Variants in PCNX2 observed in about 807,000 individuals in gnomAD.
PCNX2 encodes the protein pecanex 2.
Under a neutral mutation model 223.8 loss-of-function variants are expected in PCNX2, and 168 were observed. The ratio of observed to expected loss-of-function variants is 0.75; its 90% CI spans 0.66 to 0.85. The LOEUF (loss-of-function observed/expected upper bound fraction) is 0.85. Ranked by LOEUF, PCNX2 falls within the 40% of genes least tolerant of loss-of-function variation. PCNX2 has a pLI of 0.00. For synonymous variants in PCNX2, 1,006 were observed against 1,052.6 expected (o/e 0.96, Z 0.86); for missense variants, 2,507 against 2,675.5 (o/e 0.94, Z 1.39).
At chr1:233,283,857 G>C (rs1572202439) in intron 1 of PCNX2, among the ~76,000 whole-genome samples, 1 of 152,098 alleles carries the variant, frequency 6.6e-6, no homozygotes, top group Non-Finnish European at 1.5e-5. Flanking sequence ...ACAATATAAA[G>C]AGTTTCCAGG....
At position 233,017,506 on chromosome 1, in the gene PCNX2, C is replaced by T. The variant is rs567186879; in HGVS notation, c.4606-352G>A. Among the ~76,000 whole-genome samples the T allele has an allele frequency of 8.0e-4, 121 of 152,046 alleles. 2 individuals are homozygous for T. In the East Asian group the frequency reaches 0.015, roughly 19 times the overall value. ...CTAATTTTTTCTATTTTAGTGGAGA[C>T]GGGGTTTCACCATGTTAGCCAGGAT... On this transcript the variant is annotated intron_variant, in intron 26 of 33. Transcript: ENST00000258229.
the PCNX2 span, among the ~76,000 whole-genome samples, chr1:233,307,019 G>T: frequency 6.6e-6 from 1 of 152,092 alleles, no homozygotes; most frequent in Non-Finnish European, 1.5e-5. Context: ...TGAAGATAAA[G>T]AATCTGTTGG....
chr1:233,080,631 A>G (rs1359057786), intron 23 of PCNX2, among the ~76,000 whole-genome samples: 1 of 152,076 alleles, frequency 6.6e-6, no homozygotes, highest in African/African-American at 2.4e-5. Flanking sequence ...CCATGGAGGA[A>G]AAAGGGGCTA....
chr1:233,064,212 T>C (rs548966801), intron 23 of PCNX2, among the ~76,000 whole-genome samples: 20 of 152,338 alleles, frequency 1.3e-4, no homozygotes, highest in Admixed American at 1.0e-3. Context: ...GTTGAAGATA[T>C]GTCATGTCCT....
intron 32 of PCNX2, among the ~76,000 whole-genome samples, chr1:232,988,825 C>T (rs1669588695): frequency 6.6e-6 from 1 of 152,204 alleles, no homozygotes; most frequent in African/African-American, 2.4e-5. Context: ...ATGCTTTTTA[C>T]CCCAGCAAGA....
At chr1:233,014,555 G>C in intron 28 of PCNX2, 110 bp downstream of exon 28, 1 of 771,816 alleles carries the variant, frequency 1.3e-6, no homozygotes. Flanking sequence ...CTATCTGAAA[G>C]TAGTATAATA....
Position 233,295,332 on chromosome 1 carries a change from C to A in PCNX2, c.147G>T (p.Leu49=), listed in dbSNP as rs746521241. Residue 49 remains leucine, a synonymous_variant, in exon 1 of 34, where the codon CTG becomes CTT. Coordinates refer to ENST00000258229, the MANE Select transcript of PCNX2 (RefSeq NM_014801.4). This position sits in a 1 kb window ranked among gnomAD's most constrained non-coding sequence, Gnocchi z 4.1. ...WLFLLLLPLA[L]HLAFPPNAII... is the part of the protein sequence containing the mutation. Reference sequence around the variant, plus strand: ...CCGGACCCTCCCCACTCACCAGGTGCAGGGCCAGGGGCAGCAGCAGGAGGA... The same window carrying A: ...CCGGACCCTCCCCACTCACCAGGTGAAGGGCCAGGGGCAGCAGCAGGAGGA... 1.9e-6 allele frequency: 3 copies of A among 1,576,078 alleles called. No individual in the cohort carries two copies. The highest frequency in any genetic ancestry group is 2.7e-5 in the African/African-American group (2 of 74,006).
intron 21 of PCNX2, among the ~76,000 whole-genome samples, chr1:233,114,816 G>A (rs1482552765): frequency 6.6e-6 from 1 of 152,136 alleles, no homozygotes; most frequent in Non-Finnish European, 1.5e-5. Flanking sequence ...TACAGGCTGA[G>A]GGTGGCCTAC....
intron 31 of PCNX2, 82 bp downstream of exon 31, chr1:232,999,023 C>A: frequency 6.9e-7 from 1 of 1,456,630 alleles, no homozygotes; most frequent in Non-Finnish European, 9.2e-7. Context: ...ACAGTGAAAT[C>A]TGAACCAGGA....
rs1314084847 is a variant in PCNX2, at chr1:233,199,266, TA to T, written c.2975-237del. Among the ~76,000 whole-genome samples, 3 of 152,160 alleles carry T rather than the reference TA, an allele frequency of 2.0e-5. 1 individual carries two copies. Among genetic ancestry groups the T allele is most frequent in the Admixed American group, 2.0e-4 (3 of 15,276 alleles). ...CAGAAAGAATGCTTTACAATGTTCT[TA>T]AAAGACCATGTGAATGTGTCAGAAT... On this transcript the variant is annotated intron_variant, in intron 14 of 33. Coordinates refer to ENST00000258229, the MANE Select transcript of PCNX2 (RefSeq NM_014801.4).
At chr1:233,265,522 T>A (rs1022862400) in intron 1 of PCNX2, among the ~76,000 whole-genome samples, 4 of 152,194 alleles carry the variant, frequency 2.6e-5, no homozygotes, top group African/African-American at 9.6e-5. Context: ...TCAGAAGACA[T>A]GTTTTCCAGA....
intron 21 of PCNX2, among the ~76,000 whole-genome samples, chr1:233,111,872 G>C (rs1675136173): frequency 6.6e-6 from 1 of 152,226 alleles, no homozygotes; most frequent in Non-Finnish European, 1.5e-5. Context: ...ACAAGTGACT[G>C]AAGGCCTCAG....
intron 32 of PCNX2, among the ~76,000 whole-genome samples, chr1:232,997,545 G>A (rs1306994807): frequency 1.3e-5 from 2 of 152,162 alleles, no homozygotes; most frequent in Non-Finnish European, 2.9e-5. Flanking sequence ...AGGAACCAGG[G>A]CAGAGCATCC....
At chr1:233,154,070 TTTTTG>T (rs534590003) in intron 19 of PCNX2, among the ~76,000 whole-genome samples, 3 of 152,216 alleles carry the variant, frequency 2.0e-5, no homozygotes, top group Non-Finnish European at 4.4e-5. Context: ...TTGATGTGTT[TTTTTG>T]TTTTGTTTTG....
At position 233,139,855 on chromosome 1, in the gene PCNX2, T is replaced by G; in HGVS notation, c.3518A>C (p.Asp1173Ala). 1 of 1,610,822 alleles carries G rather than the reference T, an allele frequency of 6.2e-7. No homozygotes were observed. Among genetic ancestry groups the G allele is most frequent in the Non-Finnish European group, 8.5e-7 (1 of 1,178,810 alleles). The change falls in exon 20 of 34, where the codon GAT (aspartate) becomes GCT (alanine). Residue 1173 changes from aspartate to alanine, a missense_variant and splice_region_variant. Asp to Ala is a moderately radical substitution (Grantham distance 126). Around this residue, in one of 3 missense-constraint regions of PCNX2, gnomAD observed 1,372 missense variants for 1,509.4 expected, o/e 0.91. Coordinates refer to ENST00000258229, the MANE Select transcript of PCNX2 (RefSeq NM_014801.4). This position sits in a 1 kb window ranked among gnomAD's most constrained non-coding sequence, Gnocchi z 4.4. The stretch of plus-strand genomic sequence containing the variant: ...TTCGAACCACATTAAATGGGCAACA[T>G]CTGAAAGAAATATAAAAACCACTTA... ...NKEYHQREVR[D>A]VAHLMWFERL...
intron 27 of PCNX2, 56 bp downstream of exon 27, chr1:233,016,865 G>A (rs1163497176): frequency 1.3e-6 from 2 of 1,573,976 alleles, no homozygotes; most frequent in Admixed American, 1.7e-5. Flanking sequence ...ACATGACAAT[G>A]TTCTTTATTT....
chr1:233,060,064 G>A (rs1473411525), intron 23 of PCNX2, among the ~76,000 whole-genome samples: 2 of 152,182 alleles, frequency 1.3e-5, no homozygotes, highest in African/African-American at 4.8e-5. Flanking sequence ...TGCTACGGAT[G>A]GATTGGAGAG....
intron 32 of PCNX2, among the ~76,000 whole-genome samples, chr1:232,987,697 T>G (rs546035588): frequency 6.6e-6 from 1 of 152,228 alleles, no homozygotes; most frequent in East Asian, 1.9e-4. Context: ...AACTGACACA[T>G]CATGTGAGAG....
chr1:233,258,439 C>A lies in PCNX2; in HGVS notation c.1423G>T (p.Gly475Trp). The A allele has an allele frequency of 6.2e-7, 1 of 1,613,916 alleles. No homozygotes were observed. Among genetic ancestry groups the A allele is most frequent in the Non-Finnish European group, 8.5e-7 (1 of 1,179,868 alleles). ...NQCSGYGSGE[G>W]GNAIKDHSSS... ...CTGTGATCCTTGATGGCATTTCCCC[C>A]CTCCCCAGATCCGTAGCCAGAACAC... The change falls in exon 5 of 34, where the codon GGG (glycine) becomes TGG (tryptophan). Residue 475 changes from glycine to tryptophan, a missense_variant. Coordinates refer to ENST00000258229, the MANE Select transcript of PCNX2 (RefSeq NM_014801.4).
Sources: allele counts gnomAD v4.1 joint callset (sites outside exome capture counted in the v4.1 genomes callset), GRCh38; gene constraint gnomAD v4.1.1; regional missense constraint gnomAD v4.1.1; non-coding constraint Gnocchi (gnomAD v3.1); transcripts MANE v1.5; gene names NCBI Gene and HGNC (gene_info 2026-07-23, HGNC 2026-07-21).